Variants in MAGI2 observed in about 807,000 individuals in gnomAD.
MAGI2 encodes the protein membrane associated guanylate kinase, WW and PDZ domain containing 2.
A neutral mutation model predicts 133.3 loss-of-function variants in MAGI2; 35 were observed. That is an observed-to-expected ratio of 0.26 (90% CI 0.20 to 0.35). The LOEUF is 0.35. MAGI2 is among the 10% of genes least tolerant of loss of function. The pLI is 1.00. For synonymous variants in MAGI2, 729 were observed against 710.6 expected, an observed-to-expected ratio of 1.03 and a Z score of -0.41; for missense variants, 1,636 against 1,863.4, an observed-to-expected ratio of 0.88 and a Z score of 2.25.
chr7:78,851,496 C>T (rs541737), intron 2 of MAGI2, among the ~76,000 whole-genome samples: 81,478 of 151,886 alleles, frequency 0.54, 22,275 homozygotes, highest in East Asian at 0.71. Context: ...AAAAAGATAA[C>T]ATTCCCATTA....
chr7:78,984,838 C>T (rs377324445), intron 2 of MAGI2, among the ~76,000 whole-genome samples: 20 of 152,060 alleles, frequency 1.3e-4, no homozygotes, highest in East Asian at 9.7e-4. Flanking sequence ...ATAAGTTTCA[C>T]GAGGATAGAA....
chr7:78,101,531 C>T (rs966455591), intron 20 of MAGI2, among the ~76,000 whole-genome samples: 2 of 152,134 alleles, frequency 1.3e-5, no homozygotes, highest in African/African-American at 4.8e-5. Context: ...CCTTATCATA[C>T]ACCATACACA....
chr7:78,869,718 C>A (rs1794869553), intron 2 of MAGI2, among the ~76,000 whole-genome samples: 1 of 152,140 alleles, frequency 6.6e-6, no homozygotes, highest in Admixed American at 6.5e-5. Flanking sequence ...AACTCACTTA[C>A]TATCACAATA....
chr7:78,366,166 A>C (rs562263914), intron 7 of MAGI2, among the ~76,000 whole-genome samples: 3 of 152,308 alleles, frequency 2.0e-5, no homozygotes, highest in East Asian at 3.9e-4. Context: ...GGCATTAGTA[A>C]ATCAACATTT....
At chr7:78,636,363 T>G (rs1333177487) in intron 2 of MAGI2, among the ~76,000 whole-genome samples, 1 of 151,646 alleles carries the variant, frequency 6.6e-6, no homozygotes, top group African/African-American at 2.4e-5. Context: ...TTTTTTTTTT[T>G]TTTTTTGAAG....
At chr7:79,365,883 A>AAAAAAAAAAAAAAAT (rs1842673378) in intron 1 of MAGI2, among the ~76,000 whole-genome samples, 1 of 150,596 alleles carries the variant, frequency 6.6e-6, no homozygotes, top group African/African-American at 2.4e-5. Flanking sequence ...AAAAAAAAAA[A>AAAAAAAAAAAAAAAT]AAAAAAAGTA....
At chr7:79,022,761 A>C (rs1339948736) in intron 1 of MAGI2, among the ~76,000 whole-genome samples, 1 of 152,136 alleles carries the variant, frequency 6.6e-6, no homozygotes, top group Non-Finnish European at 1.5e-5. Flanking sequence ...GAAACCTAGA[A>C]AATTATTCTG....
chr7:78,511,885 G>A (rs909737933), intron 4 of MAGI2, among the ~76,000 whole-genome samples: 2 of 151,574 alleles, frequency 1.3e-5, no homozygotes, highest in Middle Eastern at 3.4e-3. Flanking sequence ...CACAAAGTCA[G>A]GAGATCGAGA....
At chr7:79,193,101 C>T (rs181496452) in intron 1 of MAGI2, among the ~76,000 whole-genome samples, 2 of 152,024 alleles carry the variant, frequency 1.3e-5, no homozygotes, top group Non-Finnish European at 2.9e-5. Flanking sequence ...GTGTGACTCA[C>T]TGTGTCTGGC....
At chr7:78,791,367 A>G (rs1029495) in intron 2 of MAGI2, among the ~76,000 whole-genome samples, 11,416 of 152,166 alleles carry the variant, frequency 0.075, 461 homozygotes, top group Admixed American at 0.12. Context: ...AGAAACAGGC[A>G]TTATTATTAA....
Position 78,063,973 on chromosome 7 carries a change from A to G in MAGI2, c.3706+14974T>C, listed in dbSNP as rs538908463. 2.0e-5 allele frequency among the ~76,000 whole-genome samples: 3 copies of G among 152,320 alleles called. No individual in the cohort carries two copies. In the South Asian group the frequency reaches 6.2e-4, roughly 32 times the overall value. ...TTATGGAACTGAACTGAAACCACAAAGAGCCCTCTCTCTCTTTTTTTAAAG... is the reference window on the plus strand; with the variant it reads ...TTATGGAACTGAACTGAAACCACAAGGAGCCCTCTCTCTCTTTTTTTAAAG... On this transcript the variant is annotated intron_variant, in intron 21 of 21. Coordinates refer to ENST00000354212, the MANE Select transcript of MAGI2 (RefSeq NM_012301.4).
chr7:79,211,822 G>A (rs111229711), intron 1 of MAGI2, among the ~76,000 whole-genome samples: 5,554 of 152,098 alleles, frequency 0.037, 176 homozygotes, highest in African/African-American at 0.066. Context: ...GTAACAGAGG[G>A]TAAAACGGCT....
At chr7:78,927,767 C>T (rs1282520947) in intron 2 of MAGI2, among the ~76,000 whole-genome samples, 1 of 151,376 alleles carries the variant, frequency 6.6e-6, no homozygotes, top group African/African-American at 2.4e-5. Flanking sequence ...GTTTATCTGC[C>T]CTTTCTTCTT....
chr7:78,209,556 T>C (rs561936907), intron 10 of MAGI2, among the ~76,000 whole-genome samples: 33 of 152,204 alleles, frequency 2.2e-4, no homozygotes, highest in Admixed American at 7.8e-4. Flanking sequence ...TCACCGTGCC[T>C]GGCCTGAAAG....
chr7:78,842,316 A>C (rs1247844664), intron 2 of MAGI2, among the ~76,000 whole-genome samples: 3 of 151,974 alleles, frequency 2.0e-5, no homozygotes, highest in African/African-American at 7.2e-5. Flanking sequence ...AGCCAAGTCC[A>C]CTCCTTGAAG....
intron 1 of MAGI2, among the ~76,000 whole-genome samples, chr7:79,078,010 C>T (rs1815691296): frequency 1.3e-5 from 2 of 152,220 alleles, no homozygotes; most frequent in East Asian, 1.9e-4. Flanking sequence ...AGAATTTACC[C>T]CACAAGGAAG....
chr7:78,306,983 A>ATGACCATTATTTG, intron 9 of MAGI2, among the ~76,000 whole-genome samples: 1 of 152,162 alleles, frequency 6.6e-6, no homozygotes, highest in Non-Finnish European at 1.5e-5. Flanking sequence ...CATCATTGCC[A>ATGACCATTATTTG]TTATTTCCAG....
intron 1 of MAGI2, among the ~76,000 whole-genome samples, chr7:79,010,657 C>T (rs1212097159): frequency 6.6e-6 from 1 of 152,064 alleles, no homozygotes; most frequent in Admixed American, 6.6e-5. Context: ...TTGAGCAGAG[C>T]ACTGGCAACA....
chr7:79,166,264 A>C (rs1824897124), intron 1 of MAGI2, among the ~76,000 whole-genome samples: 1 of 152,070 alleles, frequency 6.6e-6, no homozygotes, highest in African/African-American at 2.4e-5. Context: ...CTCCATGATC[A>C]GATTACATTG....
Sources: allele counts gnomAD v4.1 joint callset (sites outside exome capture counted in the v4.1 genomes callset), GRCh38; gene constraint gnomAD v4.1.1; transcripts MANE v1.5; gene names NCBI Gene and HGNC (gene_info 2026-07-23, HGNC 2026-07-21).